Variants in PCDHA12 observed in about 807,000 individuals in gnomAD.
PCDHA12 encodes the protein protocadherin alpha 12, also known as protocadherin alpha-12.
Under a neutral mutation model 60.0 loss-of-function variants are expected in PCDHA12, and 44 were observed. The observed-to-expected ratio is 0.73, with a 90% CI of 0.58 to 0.94. The LOEUF (loss-of-function observed/expected upper bound fraction) is 0.94, where lower values mean the gene tolerates loss of function less well. PCDHA12 is among the 40% of genes least tolerant of loss of function. The pLI is 0.00. For missense variants in PCDHA12, 1,276 were observed against 1,239.7 expected (o/e 1.03, Z -0.44); for synonymous variants, 569 against 553.0 (o/e 1.03, Z -0.40).
At position 140,978,807 on chromosome 5, in the gene PCDHA12, A is replaced by G. The variant is rs1489269679; in HGVS notation, c.2368-142A>G. 3.3e-6 allele frequency: 5 copies of G among 1,494,726 alleles called. No individual in the cohort carries two copies. In the African/African-American group the frequency reaches 4.2e-5, roughly 12 times the overall value. The allele number at this position is 1,494,726 out of a possible 1,614,324, so 92.6% of individuals were successfully genotyped here. A position where few individuals can be genotyped will look rare whatever the true frequency, so the allele number is the denominator to read the frequency against. ...AAGTGCTATATATGTAGATATCATC[A>G]TAGAGTTACACATGAAATGGCTCAT... On this transcript the variant is annotated intron_variant, in intron 1 of 3. Coordinates refer to ENST00000398631, the MANE Select transcript of PCDHA12 (RefSeq NM_018903.4).
rs114961630 is a variant in PCDHA12 at position 140,926,715 on chromosome 5, G to A, written c.2367+48876G>A. 1,110 of 952,350 alleles carry A rather than the reference G, an allele frequency of 1.2e-3. 9 individuals carry two copies. The African/African-American group carries it at 0.017, about 15-fold the overall frequency. The allele number at this position is 952,350 out of a possible 1,614,324, so 59.0% of individuals were successfully genotyped here. A position where few individuals can be genotyped will look rare whatever the true frequency, so the allele number is the denominator to read the frequency against. On this transcript the variant is annotated intron_variant, in intron 1 of 3. Transcript: ENST00000398631. ...GCCCGGCTCCCAGCTGGCCAGCCCC[G>A]GCAATGCCGGCGTTCGGGAGGCGCA... is the stretch of plus-strand genomic sequence containing the variant.
rs892674985 is a variant in PCDHA12 at position 140,877,508 on chromosome 5, C to G, written c.2036C>G (p.Ser679Trp). Residue 679 changes from serine to tryptophan, a missense_variant, in exon 1 of 4, where the codon TCG becomes TGG. Physicochemically the swap from Ser to Trp is radical, Grantham distance 177. Transcript: ENST00000398631. The part of the protein sequence containing the change: ...LVENGQAPKT[S>W]SRASVGAVDP... ...GAGAACGGCCAGGCCCCAAAGACGTCGTCGCGGGCCTCAGTGGGCGCTGTG... is the reference window on the plus strand; with the variant it reads ...GAGAACGGCCAGGCCCCAAAGACGTGGTCGCGGGCCTCAGTGGGCGCTGTG... 1 of 1,613,808 alleles carries G rather than the reference C, an allele frequency of 6.2e-7. No homozygotes were observed. The highest frequency in any genetic ancestry group is 1.7e-5 in the Admixed American group (1 of 60,026).
chr5:140,886,014 CTA>C (rs1317969139), intron 1 of PCDHA12, among the ~76,000 whole-genome samples: 1 of 152,078 alleles, frequency 6.6e-6, no homozygotes, highest in Non-Finnish European at 1.5e-5. Flanking sequence ...AAGGGAGATG[CTA>C]TGTATTCTTC....
rs114148884 is a variant in PCDHA12 at position 140,924,440 on chromosome 5, C to T, written c.2367+46601C>T. ...CTTTCTAGTTCCCTAGAAGAGATAA[C>T]GAATGGGTTTGTGTGTTTAGGGAGG... On this transcript the variant is annotated intron_variant, in intron 1 of 3. Coordinates refer to ENST00000398631, the MANE Select transcript of PCDHA12 (RefSeq NM_018903.4). Among the ~76,000 whole-genome samples, 538 of 152,252 alleles carry T rather than the reference C, an allele frequency of 3.5e-3. 4 individuals are homozygous for T. Among genetic ancestry groups the T allele is most frequent in the African/African-American group, 0.012 (480 of 41,540 alleles).
intron 1 of PCDHA12, chr5:140,968,110 G>A: frequency 1.2e-6 from 2 of 1,614,172 alleles, no homozygotes; most frequent in Non-Finnish European, 1.7e-6. Context: ...GAATACCGCA[G>A]CTCACATCCC....
At chr5:140,987,211 C>T (rs1190567678) in intron 3 of PCDHA12, among the ~76,000 whole-genome samples, 2 of 145,072 alleles carry the variant, frequency 1.4e-5, no homozygotes, top group Non-Finnish European at 3.0e-5. Flanking sequence ...GAGACTCCAT[C>T]TCAAAAAAAA....
At chr5:140,996,123 G>A (rs1554255007) in intron 3 of PCDHA12, among the ~76,000 whole-genome samples, 2 of 152,238 alleles carry the variant, frequency 1.3e-5, no homozygotes, top group African/African-American at 2.4e-5. Flanking sequence ...GCAGGGTGGT[G>A]TAGAGGGTTC....
At chr5:140,878,571 A>G (rs531090803) in intron 1 of PCDHA12, among the ~76,000 whole-genome samples, 48 of 152,346 alleles carry the variant, frequency 3.2e-4, no homozygotes, top group African/African-American at 1.1e-3. Context: ...ATCATAGTAT[A>G]CCACTGCCCT....
rs2086150778 is a variant in PCDHA12, at chr5:140,929,428, G to C, written c.2368-49521G>C. ...AGCCTTTCACAACATTTCATCAATT[G>C]AACTAAACACTCCTTCTTAGCACTT... On this transcript the variant is annotated intron_variant, in intron 1 of 3. Coordinates refer to ENST00000398631, the MANE Select transcript of PCDHA12 (RefSeq NM_018903.4). 4 of 1,491,484 alleles carry C rather than the reference G, an allele frequency of 2.7e-6. No homozygotes were observed. The East Asian group carries it at 6.9e-5, about 26-fold the overall frequency. 92.4% of individuals were successfully genotyped at this position (1,491,484 alleles called of 1,614,324 possible). A position where few individuals can be genotyped will look rare whatever the true frequency, so the allele number is the denominator to read the frequency against.
At chr5:140,976,742 AC>A (rs1170747899) in intron 1 of PCDHA12, among the ~76,000 whole-genome samples, 1 of 151,778 alleles carries the variant, frequency 6.6e-6, no homozygotes, top group Admixed American at 6.6e-5. Context: ...CATTTTAAAA[AC>A]CTCCCAGATG....
At chr5:140,974,827 G>T (rs1356890991) in intron 1 of PCDHA12, among the ~76,000 whole-genome samples, 1 of 152,182 alleles carries the variant, frequency 6.6e-6, no homozygotes. Context: ...GCAACATAAT[G>T]ATTATTTTAA....
rs1436927101 is a variant in PCDHA12 at position 140,886,292 on chromosome 5, T to A, written c.2367+8453T>A. Reference sequence around the variant, plus strand: ...AAATTTTTTAAAATTATTTTTATATTTATTTATTTTTTATTACACTTTAAG... The same window carrying A: ...AAATTTTTTAAAATTATTTTTATATATATTTATTTTTTATTACACTTTAAG... On this transcript the variant is annotated intron_variant, in intron 1 of 3. Coordinates refer to ENST00000398631, the MANE Select transcript of PCDHA12 (RefSeq NM_018903.4). 5.3e-5 allele frequency among the ~76,000 whole-genome samples: 8 copies of A among 152,090 alleles called. No homozygotes were observed. In the East Asian group the frequency reaches 1.3e-3, roughly 26 times the overall value.
intron 1 of PCDHA12, among the ~76,000 whole-genome samples, chr5:140,891,255 A>C (rs1313851741): frequency 6.6e-6 from 1 of 151,868 alleles, no homozygotes; most frequent in Non-Finnish European, 1.5e-5. Context: ...GATTTTTTTT[A>C]ATTTTTAATT....
At chr5:140,891,855 C>T (rs1282802499) in intron 1 of PCDHA12, among the ~76,000 whole-genome samples, 1 of 152,156 alleles carries the variant, frequency 6.6e-6, no homozygotes, top group Admixed American at 6.6e-5. Flanking sequence ...GAGCCTGTCC[C>T]TCTCTTATGC....
intron 1 of PCDHA12, among the ~76,000 whole-genome samples, chr5:140,963,905 G>A (rs1326633249): frequency 6.6e-6 from 1 of 152,182 alleles, no homozygotes; most frequent in African/African-American, 2.4e-5. Flanking sequence ...TGAGTAAAGT[G>A]AAGCTTAGGC....
chr5:140,954,433 T>C (rs1554221415), intron 1 of PCDHA12, among the ~76,000 whole-genome samples: 2 of 151,820 alleles, frequency 1.3e-5, no homozygotes, highest in African/African-American at 4.8e-5. Flanking sequence ...TCTCCATCTG[T>C]TGTTTCTGGA....
At chr5:140,904,064 G>C (rs1238949756) in intron 1 of PCDHA12, among the ~76,000 whole-genome samples, 2 of 151,906 alleles carry the variant, frequency 1.3e-5, no homozygotes, top group Non-Finnish European at 2.9e-5. Context: ...TGGGTTTTTG[G>C]GGAACAGTAT....
At chr5:140,941,310 CTTCT>C (rs2093024652) in intron 1 of PCDHA12, among the ~76,000 whole-genome samples, 1 of 79,250 alleles carries the variant, frequency 1.3e-5, no homozygotes, top group Non-Finnish European at 2.6e-5. Flanking sequence ...CTTTCTTTTT[CTTCT>C]TTCTCTTTTT....
chr5:140,940,903 A>T (rs1177865937), intron 1 of PCDHA12, among the ~76,000 whole-genome samples: 1 of 152,242 alleles, frequency 6.6e-6, no homozygotes, highest in Admixed American at 6.5e-5. Context: ...CTTTAAATCA[A>T]GTTCAAGACT....
Sources: gnomAD v4.1 joint callset for allele counts (sites outside exome capture counted in the v4.1 genomes callset) on GRCh38, gnomAD v4.1.1 for gene constraint, MANE v1.5 for transcripts, NCBI Gene and HGNC (gene_info 2026-07-23, HGNC 2026-07-21) for gene names.